The following KAT6A variants were observed in gnomAD, a reference collection of about 807,000 sequenced individuals.
The protein encoded by KAT6A is histone acetyltransferase KAT6A.
A neutral mutation model predicts 198.4 loss-of-function variants in KAT6A; 9 were observed. The ratio of observed to expected loss-of-function variants is 0.05; its 90% CI spans 0.03 to 0.08. The LOEUF (loss-of-function observed/expected upper bound fraction) is 0.08, where lower values mean the gene tolerates loss of function less well. Among genes scored for constraint, KAT6A ranks in the 10% least tolerant of loss-of-function variants. The probability of loss-of-function intolerance (pLI) is 1.00; values close to 1 mark genes in which losing one functional copy is unlikely to be tolerated. For synonymous variants in KAT6A, 890 were observed against 883.0 expected (o/e 1.01, Z -0.14); for missense variants, 2,077 against 2,509.9 (o/e 0.83, Z 3.69).
intron 2 of KAT6A, among the ~76,000 whole-genome samples, chr8:42,019,933 A>G (rs185537353): frequency 2.0e-5 from 3 of 152,302 alleles, no homozygotes; most frequent in African/African-American, 7.2e-5. Flanking sequence ...AAGACAAATG[A>G]CAATCACATG....
At chr8:41,955,528 A>G (rs1822879662) in intron 8 of KAT6A, 117 bp from the exon 9 acceptor site, 2 of 636,306 alleles carry the variant, frequency 3.1e-6, no homozygotes, top group East Asian at 3.0e-5. Flanking sequence ...AAACAAAAAC[A>G]AAAGCCAGAA....
intron 2 of KAT6A, among the ~76,000 whole-genome samples, chr8:42,036,740 C>T (rs933686784): frequency 7.9e-5 from 12 of 152,088 alleles, no homozygotes; most frequent in Admixed American, 3.3e-4. Flanking sequence ...GGGCACCTGT[C>T]GGAATCATGC....
At chr8:42,046,410 T>C (rs1460261281) in intron 2 of KAT6A, among the ~76,000 whole-genome samples, 6 of 151,830 alleles carry the variant, frequency 4.0e-5, no homozygotes, top group African/African-American at 1.4e-4. Flanking sequence ...GTGGTGCATG[T>C]CTGTAATCCC....
At chr8:41,972,846 G>A (rs537996422) in intron 8 of KAT6A, among the ~76,000 whole-genome samples, 1 of 152,188 alleles carries the variant, frequency 6.6e-6, no homozygotes, top group Admixed American at 6.5e-5. Flanking sequence ...TTACTCGGGA[G>A]GAGAAAAAAA....
At chr8:42,036,110 A>G (rs916836156) in intron 2 of KAT6A, among the ~76,000 whole-genome samples, 1 of 152,134 alleles carries the variant, frequency 6.6e-6, no homozygotes, top group Admixed American at 6.5e-5. Context: ...AATGAGCTCA[A>G]TTGGACAGAT....
chr8:41,998,026 G>A (rs767860130), intron 2 of KAT6A, among the ~76,000 whole-genome samples: 21 of 152,042 alleles, frequency 1.4e-4, no homozygotes, highest in Non-Finnish European at 2.6e-4. Context: ...TGAGGAAAAC[G>A]AGTATTGCTA....
intron 9 of KAT6A, 31 bp from the exon 10 acceptor site, chr8:41,949,394 G>T (rs555428748): frequency 2.8e-6 from 4 of 1,432,124 alleles, no homozygotes; most frequent in East Asian, 2.7e-5. Context: ...AAAAAGACAG[G>T]GCTTTATATT....
In KAT6A at chr8:42,009,914, AC is replaced by A. The variant is rs1247160542; in HGVS notation, c.601-22352del. Reference sequence around the variant, plus strand: ...TGTCTCAAAAAAAAAAAAAAAAAAAACAAAAAAAAACAAAACCACAATCCTT... The same window carrying A: ...TGTCTCAAAAAAAAAAAAAAAAAAAAAAAAAAAAACAAAACCACAATCCTT... On this transcript the variant is annotated intron_variant, in intron 2 of 16. Coordinates refer to ENST00000265713, the MANE Select transcript of KAT6A (RefSeq NM_006766.5). Among the ~76,000 whole-genome samples, 521 of 133,348 alleles carry A rather than the reference AC, an allele frequency of 3.9e-3. 11 individuals are homozygous for A. The highest frequency in any genetic ancestry group is 0.01 in the African/African-American group (358 of 34,690). 87.5% of individuals were successfully genotyped at this position (133,348 alleles called of 152,430 possible).
At chr8:42,037,262 A>G (rs1827425569) in intron 2 of KAT6A, among the ~76,000 whole-genome samples, 2 of 152,208 alleles carry the variant, frequency 1.3e-5, no homozygotes, top group Admixed American at 1.3e-4. Context: ...ACAGAATTAA[A>G]GAAAAACTGA....
In KAT6A at chr8:41,974,467, T is replaced by C. The variant is rs1482994406; in HGVS notation, c.1482+237A>G. On this transcript the variant is annotated intron_variant, in intron 8 of 16. Coordinates refer to ENST00000265713, the MANE Select transcript of KAT6A (RefSeq NM_006766.5). Reference sequence around the variant, plus strand: ...CTTCTTCATACAGTAAGACAAAAAATAAACCAAGCTTATTTAATATTGATA... The same window carrying C: ...CTTCTTCATACAGTAAGACAAAAAACAAACCAAGCTTATTTAATATTGATA... The C allele has an allele frequency of 2.1e-5, 7 of 335,974 alleles. No homozygotes were observed. In the East Asian group the frequency reaches 2.8e-4, roughly 13 times the overall value. 20.8% of individuals were successfully genotyped at this position (335,974 alleles called of 1,614,324 possible).
chr8:41,961,715 T>C (rs934800076), intron 8 of KAT6A, among the ~76,000 whole-genome samples: 3 of 139,342 alleles, frequency 2.2e-5, no homozygotes, highest in Non-Finnish European at 3.0e-5. Context: ...ATGGTGCCAC[T>C]GCACTCCAGC....
At chr8:42,037,184 G>A (rs2150925243) in intron 2 of KAT6A, among the ~76,000 whole-genome samples, 1 of 152,212 alleles carries the variant, frequency 6.6e-6, no homozygotes, top group South Asian at 2.1e-4. Flanking sequence ...GCTTCCTCAG[G>A]TAATGCTAAA....
intron 2 of KAT6A, among the ~76,000 whole-genome samples, chr8:41,995,180 A>G (rs1161393285): frequency 2.0e-5 from 3 of 152,326 alleles, no homozygotes; most frequent in African/African-American, 7.2e-5. Flanking sequence ...CCTTACATAG[A>G]AAGAACAATG....
At chr8:41,965,756 A>C (rs1823446615) in intron 8 of KAT6A, among the ~76,000 whole-genome samples, 1 of 152,168 alleles carries the variant, frequency 6.6e-6, no homozygotes, top group South Asian at 2.1e-4. Context: ...ATTAAGCTGC[A>C]TTTTGGAGCA....
At chr8:42,000,488 T>C (rs746172461) in intron 2 of KAT6A, among the ~76,000 whole-genome samples, 1 of 150,284 alleles carries the variant, frequency 6.7e-6, no homozygotes, top group Non-Finnish European at 1.5e-5. Flanking sequence ...GAAGCAGAGG[T>C]TGCAGTGAGC....
chr8:41,987,327 T>C, intron 3 of KAT6A, 128 bp downstream of exon 3: 1 of 635,744 alleles, frequency 1.6e-6, no homozygotes, highest in Non-Finnish European at 2.8e-6. Flanking sequence ...TCAGAACTTA[T>C]CCCCCATAAT....
At chr8:41,962,644 T>C (rs1301230386) in intron 8 of KAT6A, among the ~76,000 whole-genome samples, 1 of 151,736 alleles carries the variant, frequency 6.6e-6, no homozygotes, top group East Asian at 1.9e-4. Flanking sequence ...AGAAATCCTG[T>C]TAAAACCAAA....
At chr8:42,051,504 G>A (rs1396445112) in intron 1 of KAT6A, among the ~76,000 whole-genome samples, 1 of 146,112 alleles carries the variant, frequency 6.8e-6, no homozygotes, top group Non-Finnish European at 1.5e-5. Context: ...GGCGCGCCCC[G>A]AGGGAGAGCG....
intron 9 of KAT6A, among the ~76,000 whole-genome samples, chr8:41,949,678 T>C (rs911095081): frequency 1.3e-5 from 2 of 152,250 alleles, no homozygotes; most frequent in South Asian, 2.1e-4. Flanking sequence ...ACAAAAATGT[T>C]TGATTTGTGT....
Sources: gnomAD v4.1 joint callset for allele counts (sites outside exome capture counted in the v4.1 genomes callset) on GRCh38, gnomAD v4.1.1 for gene constraint, MANE v1.5 for transcripts, NCBI Gene and HGNC (gene_info 2026-07-23, HGNC 2026-07-21) for gene names.